ZMAT5: variants seen among roughly 807,000 people sequenced by gnomAD.
ZMAT5 encodes the protein zinc finger matrin-type 5.
Under a neutral mutation model 28.0 loss-of-function variants are expected in ZMAT5, and 23 were observed. The observed-to-expected ratio is 0.82, with a 90% CI of 0.59 to 1.16. The LOEUF is 1.16. Among genes scored for constraint, ZMAT5 ranks in the 50% most tolerant of loss-of-function variants. ZMAT5 has a pLI of 0.00. For missense variants in ZMAT5, 173 were observed against 212.7 expected, an observed-to-expected ratio of 0.81 and a Z score of 1.16; for synonymous variants, 76 against 84.1, an observed-to-expected ratio of 0.90 and a Z score of 0.52.
chr22:29,748,408 C>T lies in ZMAT5; in HGVS notation c.127+10G>A, dbSNP rs200104721. The T allele has an allele frequency of 3.1e-4, 494 of 1,614,136 alleles. No individual in the cohort carries two copies. The highest frequency in any genetic ancestry group is 3.7e-4 in the Non-Finnish European group (438 of 1,179,990). On this transcript the variant is annotated intron_variant, in intron 2 of 5. Transcript: ENST00000344318. ...CTCCAGGAGCCTGGCCCCCAGCCAG[C>T]GGCACCCACCTCGGAACATGTCGTA...
intron 2 of ZMAT5, among the ~76,000 whole-genome samples, chr22:29,744,377 G>C (rs571991534): frequency 6.6e-6 from 1 of 151,778 alleles, no homozygotes; most frequent in Admixed American, 6.6e-5. Flanking sequence ...TGTGGGAGGC[G>C]GGGGCGGGCG....
chr22:29,734,058 T>G (rs1013801050), intron 5 of ZMAT5, among the ~76,000 whole-genome samples: 34 of 152,290 alleles, frequency 2.2e-4, no homozygotes, highest in African/African-American at 7.9e-4. Flanking sequence ...AGGAGGAGGA[T>G]GGGCCAGGAT....
At chr22:29,748,815 G>A (rs1430183826) in intron 1 of ZMAT5, among the ~76,000 whole-genome samples, 1 of 152,220 alleles carries the variant, frequency 6.6e-6, no homozygotes, top group African/African-American at 2.4e-5. Flanking sequence ...GGTGAGGCCT[G>A]GGCACTGTTT....
chr22:29,737,531 C>T (rs556997086), intron 5 of ZMAT5, among the ~76,000 whole-genome samples: 7 of 152,326 alleles, frequency 4.6e-5, no homozygotes, highest in Non-Finnish European at 8.8e-5. Flanking sequence ...GTCTGAAGCC[C>T]GTTGCAAGAT....
chr22:29,760,376 A>C (rs1740913215), intron 1 of ZMAT5, among the ~76,000 whole-genome samples: 1 of 43,734 alleles, frequency 2.3e-5, no homozygotes, highest in Non-Finnish European at 6.0e-5. Flanking sequence ...CCTCTGTCTC[A>C]AAAAAAAAAA....
intron 2 of ZMAT5, among the ~76,000 whole-genome samples, chr22:29,743,961 G>A (rs955870840): frequency 6.6e-6 from 1 of 152,156 alleles, no homozygotes; most frequent in Admixed American, 6.5e-5. Flanking sequence ...CAAGAAACCT[G>A]AGCTCAAATC....
At position 29,751,210 on chromosome 22, in the gene ZMAT5, T is replaced by C. The variant is rs1468472562; in HGVS notation, c.-27-2639A>G. Among the ~76,000 whole-genome samples the C allele has an allele frequency of 4.0e-4, 61 of 152,080 alleles. 2 individuals carry two copies. Among genetic ancestry groups the C allele is most frequent in the Admixed American group, 4.0e-3 (61 of 15,272 alleles). On this transcript the variant is annotated intron_variant, in intron 1 of 5. Coordinates refer to ENST00000344318, the MANE Select transcript of ZMAT5 (RefSeq NM_001003692.2). The stretch of plus-strand genomic sequence containing the variant: ...CAGGGAGGGTGGTTCTCTGGGAGAC[T>C]GGAACAGAACGGTGGCTCTGCGGCC...
chr22:29,738,444 GT>G lies in ZMAT5; in HGVS notation c.272-4del. 1.2e-6 allele frequency: 2 copies of G among 1,609,114 alleles called. No homozygotes were observed. The highest frequency in any genetic ancestry group is 1.7e-6 in the Non-Finnish European group (2 of 1,179,364). On this transcript the variant is annotated splice_polypyrimidine_tract_variant and splice_region_variant and intron_variant, in intron 4 of 5. Coordinates refer to ENST00000344318, the MANE Select transcript of ZMAT5 (RefSeq NM_001003692.2). ...CCACTCCCTGGCTCGCCTCTCCTCT[GT>G]GGGGACAGGGAGACAAAGGCAAGTG...
At chr22:29,743,537 C>A (rs1052911616) in intron 2 of ZMAT5, among the ~76,000 whole-genome samples, 4 of 152,158 alleles carry the variant, frequency 2.6e-5, no homozygotes, top group Non-Finnish European at 5.9e-5. Context: ...CTCAGGTGAT[C>A]CTTCCCCCTC....
chr22:29,766,071 T>C (rs1349409809), intron 1 of ZMAT5, among the ~76,000 whole-genome samples: 6 of 152,152 alleles, frequency 3.9e-5, no homozygotes, highest in Non-Finnish European at 8.8e-5. Context: ...CTCACGCACC[T>C]TGGGGGGCGA....
intron 1 of ZMAT5, among the ~76,000 whole-genome samples, chr22:29,760,528 G>A (rs936845686): frequency 2.0e-5 from 3 of 152,174 alleles, no homozygotes; most frequent in Non-Finnish European, 2.9e-5. Context: ...GACAGAGCAA[G>A]ACTCTGTCTC....
chr22:29,736,888 G>A lies in ZMAT5; in HGVS notation c.383+1442C>T, dbSNP rs181905197. ...AAACACACAAAAAAATTAGCCGGGC[G>A]TGGTGGCGGGTGCCTGTAGTCCCAG... On this transcript the variant is annotated intron_variant, in intron 5 of 5. Coordinates refer to ENST00000344318, the MANE Select transcript of ZMAT5 (RefSeq NM_001003692.2). 2.2e-4 allele frequency among the ~76,000 whole-genome samples: 33 copies of A among 151,768 alleles called. No individual in the cohort carries two copies. In the East Asian group the frequency reaches 4.3e-3, roughly 20 times the overall value.
chr22:29,757,216 C>CAA (rs776485867), intron 1 of ZMAT5, among the ~76,000 whole-genome samples: 33 of 40,832 alleles, frequency 8.1e-4, no homozygotes, highest in Non-Finnish European at 1.6e-3. Flanking sequence ...ACCCCAATCT[C>CAA]AAAAAAAAAA....
chr22:29,737,761 G>C (rs1239264237), intron 5 of ZMAT5, among the ~76,000 whole-genome samples: 2 of 152,098 alleles, frequency 1.3e-5, no homozygotes, highest in East Asian at 1.9e-4. Context: ...TCAAAGAGGA[G>C]GACCAGGGAC....
At chr22:29,743,129 T>C (rs6006235) in intron 2 of ZMAT5, among the ~76,000 whole-genome samples, 10,264 of 152,212 alleles carry the variant, frequency 0.067, 417 homozygotes, top group African/African-American at 0.1. Context: ...CCTGGCACTA[T>C]GGAACTTCTC....
chr22:29,745,217 G>A (rs1248001865), intron 2 of ZMAT5, among the ~76,000 whole-genome samples: 1 of 152,206 alleles, frequency 6.6e-6, no homozygotes, highest in Non-Finnish European at 1.5e-5. Flanking sequence ...GGACGTCCCT[G>A]AGGATTTGCT....
In ZMAT5 at chr22:29,764,339, A is replaced by G. The variant is rs566890032; in HGVS notation, c.-28+2533T>C. Among the ~76,000 whole-genome samples, 189 of 152,328 alleles carry G rather than the reference A, an allele frequency of 1.2e-3. 1 individual carries two copies. Among genetic ancestry groups the G allele is most frequent in the African/African-American group, 4.5e-3 (185 of 41,570 alleles). On this transcript the variant is annotated intron_variant, in intron 1 of 5. Transcript: ENST00000344318. Reference sequence around the variant, plus strand: ...GCTCCCAGGATGCTTTGCAAATAGTATAAAACCACAGTAAGGATAACTCAT... The same window carrying G: ...GCTCCCAGGATGCTTTGCAAATAGTGTAAAACCACAGTAAGGATAACTCAT...
chr22:29,737,843 G>A (rs182838214), intron 5 of ZMAT5, among the ~76,000 whole-genome samples: 4 of 152,202 alleles, frequency 2.6e-5, no homozygotes, highest in Admixed American at 2.6e-4. Flanking sequence ...CCGAGGGCTG[G>A]GGCCATCTCC....
intron 1 of ZMAT5, among the ~76,000 whole-genome samples, chr22:29,765,761 G>A (rs1601734981): frequency 6.6e-6 from 1 of 152,012 alleles, no homozygotes; most frequent in African/African-American, 2.4e-5. Flanking sequence ...CCAGCCACTC[G>A]GGAGGCTGAA....
Sources: allele counts gnomAD v4.1 joint callset (sites outside exome capture counted in the v4.1 genomes callset), GRCh38; gene constraint gnomAD v4.1.1; transcripts MANE v1.5; gene names NCBI Gene and HGNC (gene_info 2026-07-23, HGNC 2026-07-21).